The following HDGFL1 variants were observed in gnomAD, a reference collection of about 807,000 sequenced individuals.
The protein encoded by HDGFL1 is HDGF like 1, also known as hepatoma-derived growth factor-like protein 1.
For synonymous variants in HDGFL1, 190 were observed against 165.1 expected (o/e 1.15, Z -1.16); for missense variants, 422 against 365.3 (o/e 1.16, Z -1.27).
chr6:22,570,759 T>G lies in HDGFL1; in HGVS notation c.*428T>G. 1 of 181,824 alleles carries G rather than the reference T, an allele frequency of 5.5e-6. No individual in the cohort carries two copies. Among genetic ancestry groups the G allele is most frequent in the Admixed American group, 6.4e-5 (1 of 15,640 alleles). The allele number at this position is 181,824 out of a possible 1,614,324, so 11.3% of individuals were successfully genotyped here. ...GGCATTATGAACCTCTGCTTAGGAA[T>G]ATGGGTAGGAGTGAAAGGCCTGGCA... On this transcript the variant is annotated 3_prime_UTR_variant, in exon 1 of 1. Transcript: ENST00000510882.
rs1418493306 is a variant in HDGFL1 at position 22,570,106 on chromosome 6, G to C, written c.531G>C (p.Ala177=). Residue 177 remains alanine, a synonymous_variant, in exon 1 of 1, where the codon GCG becomes GCC. Transcript: ENST00000510882. ...AGGAGGCGGAGGCGGAGAGGGCGGC[G>C]GAAGCGGAGAGGGCGGCGGCGGCGG... The part of the protein sequence containing the change: ...QEEEAEAERA[A]EAERAAAAAA... 6.5e-7 allele frequency: 1 copy of C among 1,536,708 alleles called. No homozygotes were observed. Among genetic ancestry groups the C allele is most frequent in the Admixed American group, 2.1e-5 (1 of 47,886 alleles).
Position 22,569,570 on chromosome 6 carries a change from C to T in HDGFL1, c.-6C>T. On this transcript the variant is annotated 5_prime_UTR_variant, in exon 1 of 1. Transcript: ENST00000510882. Reference sequence around the variant, plus strand: ...TGTGGCCCAGGCGGGGTCCGCAGAACCAGCTATGTCGGCCTACGGCATGCC... The same window carrying T: ...TGTGGCCCAGGCGGGGTCCGCAGAATCAGCTATGTCGGCCTACGGCATGCC... 2 of 1,609,704 alleles carry T rather than the reference C, an allele frequency of 1.2e-6. No homozygotes were observed. Among genetic ancestry groups the T allele is most frequent in the Admixed American group, 1.7e-5 (1 of 59,700 alleles).
Position 22,570,557 on chromosome 6 carries a change from C to T in HDGFL1, c.*226C>T. On this transcript the variant is annotated 3_prime_UTR_variant, in exon 1 of 1. Coordinates refer to ENST00000510882, the MANE Select transcript of HDGFL1 (RefSeq NM_138574.4). ...ATCTGAGTCAGGGCCTCAGTTCCCTCCCTGGGATAAAGTGAGGCCACCATC... is the reference window on the plus strand; with the variant it reads ...ATCTGAGTCAGGGCCTCAGTTCCCTTCCTGGGATAAAGTGAGGCCACCATC... 5 of 420,790 alleles carry T rather than the reference C, an allele frequency of 1.2e-5. No homozygotes were observed. The allele number at this position is 420,790 out of a possible 1,614,324, so 26.1% of individuals were successfully genotyped here.
In HDGFL1 at chr6:22,570,363, G is replaced by A. The variant is rs2113626501; in HGVS notation, c.*32G>A. 6 of 1,425,508 alleles carry A rather than the reference G, an allele frequency of 4.2e-6. No homozygotes were observed. The South Asian group carries it at 6.3e-5, about 15-fold the overall frequency. The allele number at this position is 1,425,508 out of a possible 1,614,324, so 88.3% of individuals were successfully genotyped here. A position where few individuals can be genotyped will look rare whatever the true frequency, so the allele number is the denominator to read the frequency against. On this transcript the variant is annotated 3_prime_UTR_variant, in exon 1 of 1. Transcript: ENST00000510882. ...GCGTTTCCAGAAGAGCCCCTGCCCCGTTCCTGCTGCGGCCTGGCCGTTCTT... is the reference window on the plus strand; with the variant it reads ...GCGTTTCCAGAAGAGCCCCTGCCCCATTCCTGCTGCGGCCTGGCCGTTCTT...
Position 22,570,204 on chromosome 6 carries a change from C to A in HDGFL1, c.629C>A (p.Pro210Gln), listed in dbSNP as rs941958483. 6.4e-7 allele frequency: 1 copy of A among 1,565,548 alleles called. No homozygotes were observed. Among genetic ancestry groups the A allele is most frequent in the African/African-American group, 1.3e-5 (1 of 74,230 alleles). ...GAGAACGGCAGCGCCCCTAGCGAGC[C>A]GGGCCTGGTCTGCGAGCCGCCTCAG... Reference protein sequence around the residue: ...AVENGSAPSEPGLVCEPPQPE... With the variant: ...AVENGSAPSEQGLVCEPPQPE... The change falls in exon 1 of 1, where the codon CCG (proline) becomes CAG (glutamine). Residue 210 changes from proline (P) to glutamine (Q), a missense_variant. By Grantham distance (76) the Pro-to-Gln change is moderately conservative (BLOSUM62 -1). Transcript: ENST00000510882.
In HDGFL1 at chr6:22,569,948, G is replaced by C; in HGVS notation, c.373G>C (p.Gly125Arg). 1 of 1,551,674 alleles carries C rather than the reference G, an allele frequency of 6.4e-7. No individual in the cohort carries two copies. The highest frequency in any genetic ancestry group is 8.7e-7 in the Non-Finnish European group (1 of 1,147,780). The change falls in exon 1 of 1, where the codon GGC (glycine) becomes CGC (arginine). Residue 125 changes from glycine (G) to arginine (R), a missense_variant. Coordinates refer to ENST00000510882, the MANE Select transcript of HDGFL1 (RefSeq NM_138574.4). ...GGACAAGCCGACCCACGCTGGTGGC[G>C]GCGGCGACGAATTGGGGAAGCCGGA... ...DEDKPTHAGG[G>R]GDELGKPDDD...
Position 22,569,783 on chromosome 6 carries a change from A to G in HDGFL1, c.208A>G (p.Asn70Asp). 6.2e-7 allele frequency: 1 copy of G among 1,614,092 alleles called. No individual in the cohort carries two copies. Among genetic ancestry groups the G allele is most frequent in the Non-Finnish European group, 8.5e-7 (1 of 1,180,032 alleles). ...KECKEKFGKP[N>D]KRRGFSAGLW... ...GTGCAAGGAGAAGTTCGGCAAGCCCAACAAGAGGCGCGGCTTCAGCGCGGG... is the reference window on the plus strand; with the variant it reads ...GTGCAAGGAGAAGTTCGGCAAGCCCGACAAGAGGCGCGGCTTCAGCGCGGG... The change falls in exon 1 of 1, where the codon AAC (asparagine) becomes GAC (aspartate). Residue 70 changes from asparagine (N) to aspartate (D), a missense_variant. Coordinates refer to ENST00000510882, the MANE Select transcript of HDGFL1 (RefSeq NM_138574.4).
Position 22,569,916 on chromosome 6 carries a change from GCGA to G in HDGFL1, c.345_347del (p.Asp115del), listed in dbSNP as rs1194730034. 1.3e-6 allele frequency: 2 copies of G among 1,556,582 alleles called. No individual in the cohort carries two copies. Among genetic ancestry groups the G allele is most frequent in the Non-Finnish European group, 1.7e-6 (2 of 1,150,712 alleles). On this transcript the variant is annotated inframe_deletion, in exon 1 of 1. Coordinates refer to ENST00000510882, the MANE Select transcript of HDGFL1 (RefSeq NM_138574.4). ...TGGCCGGAGCCCGAGGCCGCAGAGG[GCGA>G]CGAGGACAAGCCGACCCACGCTGGT...
the HDGFL1 span, chr6:22,569,779 GC>G: frequency 6.2e-7 from 1 of 1,614,124 alleles, no homozygotes; most frequent in Non-Finnish European, 8.5e-7. Context: ...AGTTCGGCAA[GC>G]CCAACAAGAG....
In HDGFL1 at chr6:22,569,716, G is replaced by A. The variant is rs751693447; in HGVS notation, c.141G>A (p.Glu47=). 3.1e-6 allele frequency: 5 copies of A among 1,614,052 alleles called. No homozygotes were observed. The highest frequency in any genetic ancestry group is 4.2e-6 in the Non-Finnish European group (5 of 1,180,046). The part of the protein sequence containing the change: ...RYQVFFFGTH[E]TAFLSPKRLF... Reference sequence around the variant, plus strand: ...AGGTGTTTTTCTTCGGGACCCACGAGACGGCCTTCCTGAGTCCCAAACGCC... The same window carrying A: ...AGGTGTTTTTCTTCGGGACCCACGAAACGGCCTTCCTGAGTCCCAAACGCC... Residue 47 remains glutamate (E), a synonymous_variant, in exon 1 of 1, where the codon GAG becomes GAA. Transcript: ENST00000510882.
At position 22,569,691 on chromosome 6, in the gene HDGFL1, A is replaced by T. The variant is rs200158054; in HGVS notation, c.116A>T (p.Gln39Leu). Reference protein sequence around the residue: ...IEHMTQPNRYQVFFFGTHETA... With the variant: ...IEHMTQPNRYLVFFFGTHETA... ...CACATGACCCAGCCCAACCGCTACCAGGTGTTTTTCTTCGGGACCCACGAG... is the reference window on the plus strand; with the variant it reads ...CACATGACCCAGCCCAACCGCTACCTGGTGTTTTTCTTCGGGACCCACGAG... The change falls in exon 1 of 1, where the codon CAG (glutamine) becomes CTG (leucine). Residue 39 changes from glutamine to leucine, a missense_variant. By Grantham distance (113) the Gln-to-Leu change is moderately radical. Coordinates refer to ENST00000510882, the MANE Select transcript of HDGFL1 (RefSeq NM_138574.4). 1.4e-5 allele frequency: 23 copies of T among 1,614,164 alleles called. No individual in the cohort carries two copies. The Admixed American group carries it at 2.5e-4, about 18-fold the overall frequency.
chr6:22,570,131 G>C lies in HDGFL1; in HGVS notation c.556G>C (p.Ala186Pro). 6.5e-7 allele frequency: 1 copy of C among 1,537,378 alleles called. No homozygotes were observed. The highest frequency in any genetic ancestry group is 8.7e-7 in the Non-Finnish European group (1 of 1,144,674). The change falls in exon 1 of 1, where the codon GCG (alanine) becomes CCG (proline). Residue 186 changes from alanine (A) to proline (P), a missense_variant. Coordinates refer to ENST00000510882, the MANE Select transcript of HDGFL1 (RefSeq NM_138574.4). ...GGAAGCGGAGAGGGCGGCGGCGGCG[G>C]CGGCGGCGACGGCCGTCGACGAGGA... is the stretch of plus-strand genomic sequence containing the variant. ...AAEAERAAAA[A>P]AATAVDEESP...
At position 22,570,075 on chromosome 6, in the gene HDGFL1, A is replaced by C; in HGVS notation, c.500A>C (p.Gln167Pro). The part of the protein sequence containing the change: ...PKRPKEAAPD[Q>P]EEEAEAERAA... ...CGACCCAAGGAGGCAGCCCCCGACC[A>C]AGAGGAGGAGGCGGAGGCGGAGAGG... The change falls in exon 1 of 1, where the codon CAA becomes CCA. Residue 167 changes from glutamine to proline, a missense_variant. By Grantham distance (76) the Gln-to-Pro change is moderately conservative (BLOSUM62 -1). Coordinates refer to ENST00000510882, the MANE Select transcript of HDGFL1 (RefSeq NM_138574.4). The C allele has an allele frequency of 1.9e-6, 3 of 1,541,700 alleles. No individual in the cohort carries two copies. Among genetic ancestry groups the C allele is most frequent in the Non-Finnish European group, 2.6e-6 (3 of 1,144,356 alleles).
chr6:22,570,164 T>C lies in HDGFL1; in HGVS notation c.589T>C (p.Phe197Leu). The C allele has an allele frequency of 6.4e-7, 1 of 1,558,380 alleles. No homozygotes were observed. The highest frequency in any genetic ancestry group is 1.2e-5 in the South Asian group (1 of 84,434). ...AATAVDEESP[F>L]LVAVENGSAP... Reference sequence around the variant, plus strand: ...GACGGCCGTCGACGAGGAGAGTCCGTTCCTCGTGGCGGTGGAGAACGGCAG... The same window carrying C: ...GACGGCCGTCGACGAGGAGAGTCCGCTCCTCGTGGCGGTGGAGAACGGCAG... The change falls in exon 1 of 1, where the codon TTC becomes CTC. Residue 197 changes from phenylalanine to leucine, a missense_variant. Physicochemically the swap from Phe to Leu is conservative, Grantham distance 22 (BLOSUM62 0). Coordinates refer to ENST00000510882, the MANE Select transcript of HDGFL1 (RefSeq NM_138574.4).
At position 22,570,254 on chromosome 6, in the gene HDGFL1, G is replaced by A. The variant is rs201583790; in HGVS notation, c.679G>A (p.Glu227Lys). 7.0e-4 allele frequency: 1,084 copies of A among 1,551,864 alleles called. No individual in the cohort carries two copies. The highest frequency in any genetic ancestry group is 8.8e-4 in the Non-Finnish European group (1,013 of 1,155,622). The change falls in exon 1 of 1, where the codon GAA becomes AAA. Residue 227 changes from glutamate to lysine, a missense_variant. By Grantham distance (56) the Glu-to-Lys change is moderately conservative. Coordinates refer to ENST00000510882, the MANE Select transcript of HDGFL1 (RefSeq NM_138574.4). ...GCCAGAGGAGGAGGAGCTCCGGGAG[G>A]AAGAAGTCGCGGACGAGGAGGCCTC... ...PQPEEEELREEEVADEEASQE... is the reference protein window; with the variant it reads ...PQPEEEELREKEVADEEASQE...
At position 22,569,689 on chromosome 6, in the gene HDGFL1, C is replaced by T; in HGVS notation, c.114C>T (p.Tyr38=). 1 of 1,614,192 alleles carries T rather than the reference C, an allele frequency of 6.2e-7. No individual in the cohort carries two copies. The highest frequency in any genetic ancestry group is 1.1e-5 in the South Asian group (1 of 91,090). The change falls in exon 1 of 1, where the codon TAC becomes TAT. Residue 38 remains tyrosine, a synonymous_variant. Coordinates refer to ENST00000510882, the MANE Select transcript of HDGFL1 (RefSeq NM_138574.4). The stretch of plus-strand genomic sequence containing the variant: ...AGCACATGACCCAGCCCAACCGCTA[C>T]CAGGTGTTTTTCTTCGGGACCCACG... ...RIEHMTQPNR[Y]QVFFFGTHET...
rs1371706161 is a variant in HDGFL1, at chr6:22,570,405, G to T, written c.*74G>T. On this transcript the variant is annotated 3_prime_UTR_variant, in exon 1 of 1. Transcript: ENST00000510882. ...GCCGTTCTTGGGGAATCTGACCACG[G>T]CGTGCAAACTGGGACTGCCTTTCCC... 2.9e-6 allele frequency: 4 copies of T among 1,374,502 alleles called. No individual in the cohort carries two copies. In the African/African-American group the frequency reaches 6.1e-5, roughly 21 times the overall value. 85.1% of individuals were successfully genotyped at this position (1,374,502 alleles called of 1,614,324 possible). A position where few individuals can be genotyped will look rare whatever the true frequency, so the allele number is the denominator to read the frequency against.
At position 22,570,276 on chromosome 6, in the gene HDGFL1, C is replaced by T; in HGVS notation, c.701C>T (p.Ala234Val). 6.6e-7 allele frequency: 1 copy of T among 1,525,902 alleles called. No homozygotes were observed. The highest frequency in any genetic ancestry group is 1.4e-5 in the African/African-American group (1 of 72,652). The allele number at this position is 1,525,902 out of a possible 1,614,324, so 94.5% of individuals were successfully genotyped here. A position where few individuals can be genotyped will look rare whatever the true frequency, so the allele number is the denominator to read the frequency against. The change falls in exon 1 of 1, where the codon GCC (alanine) becomes GTC (valine). Residue 234 changes from alanine to valine, a missense_variant. By Grantham distance (64) the Ala-to-Val change is moderately conservative. Transcript: ENST00000510882. ...GAGGAAGAAGTCGCGGACGAGGAGG[C>T]CTCCCAGGAGTGGCATGCCGAGGCA... The part of the protein sequence containing the change: ...LREEEVADEE[A>V]SQEWHAEAPG...
In HDGFL1 at chr6:22,570,273, A is replaced by T; in HGVS notation, c.698A>T (p.Glu233Val). 1 of 1,526,434 alleles carries T rather than the reference A, an allele frequency of 6.6e-7. No homozygotes were observed. Among genetic ancestry groups the T allele is most frequent in the East Asian group, 2.3e-5 (1 of 42,974 alleles). 94.6% of individuals were successfully genotyped at this position (1,526,434 alleles called of 1,614,324 possible). A position where few individuals can be genotyped will look rare whatever the true frequency, so the allele number is the denominator to read the frequency against. Reference sequence around the variant, plus strand: ...CGGGAGGAAGAAGTCGCGGACGAGGAGGCCTCCCAGGAGTGGCATGCCGAG... The same window carrying T: ...CGGGAGGAAGAAGTCGCGGACGAGGTGGCCTCCCAGGAGTGGCATGCCGAG... ...ELREEEVADE[E>V]ASQEWHAEAP... Residue 233 changes from glutamate (E) to valine (V), a missense_variant, in exon 1 of 1, where the codon GAG becomes GTG. Glu to Val is a moderately radical substitution (Grantham distance 121). Transcript: ENST00000510882.
Sources: allele counts gnomAD v4.1 joint callset, GRCh38; gene constraint gnomAD v4.1.1; transcripts MANE v1.5; gene names NCBI Gene and HGNC (gene_info 2026-07-23, HGNC 2026-07-21).